The following SLC24A3 variants were observed in gnomAD, a reference collection of about 807,000 sequenced individuals.
SLC24A3 encodes the protein solute carrier family 24 member 3, also known as sodium/potassium/calcium exchanger 3.
A neutral mutation model predicts 75.8 loss-of-function variants in SLC24A3; 28 were observed. The ratio of observed to expected loss-of-function variants is 0.37; its 90% confidence interval spans 0.27 to 0.51. SLC24A3 has a LOEUF of 0.51. Among genes scored for constraint, SLC24A3 ranks in the 20% least tolerant of loss-of-function variants. The pLI, the probability that SLC24A3 is intolerant of heterozygous loss-of-function variation, is 0.94. For missense variants in SLC24A3, 663 were observed against 847.8 expected (o/e 0.78, Z 2.71); for synonymous variants, 372 against 334.1 (o/e 1.11, Z -1.24).
At chr20:19,665,792 C>CGTGTGTGTGT (rs58371474) in intron 7 of SLC24A3, 72 bp from the exon 8 acceptor site, 277 of 1,203,238 alleles carry the variant, frequency 2.3e-4, no homozygotes, top group African/African-American at 2.1e-3. Flanking sequence ...AGCCTTAAAG[C>CGTGTGTGTGT]GTGTGTGTGT....
chr20:19,295,810 T>G (rs747289647), intron 2 of SLC24A3, among the ~76,000 whole-genome samples: 8 of 149,740 alleles, frequency 5.3e-5, no homozygotes, highest in Non-Finnish European at 8.9e-5. Context: ...GGCCTTAAGT[T>G]TTTTTTTTTG....
intron 3 of SLC24A3, among the ~76,000 whole-genome samples, chr20:19,521,874 T>A (rs115426140): frequency 0.017 from 2,609 of 152,088 alleles, 77 homozygotes; most frequent in African/African-American, 0.06. Context: ...CCCCATCTCC[T>A]CCAGTATTTT....
At chr20:19,719,543 G>C (rs1049785691) in intron 16 of SLC24A3, among the ~76,000 whole-genome samples, 3 of 151,986 alleles carry the variant, frequency 2.0e-5, no homozygotes, top group Non-Finnish European at 2.9e-5. Flanking sequence ...GTGAGGACGG[G>C]GAAGTGAGTG....
chr20:19,503,354 T>C (rs1988415111), intron 2 of SLC24A3, among the ~76,000 whole-genome samples: 1 of 152,254 alleles, frequency 6.6e-6, no homozygotes, highest in Non-Finnish European at 1.5e-5. Flanking sequence ...GAATTAATTA[T>C]GCTCTTTTCT....
At chr20:19,386,403 C>A (rs548506208) in intron 2 of SLC24A3, among the ~76,000 whole-genome samples, 1 of 152,202 alleles carries the variant, frequency 6.6e-6, no homozygotes, top group South Asian at 2.1e-4. Flanking sequence ...AATTTGTATG[C>A]CTTTTTATTT....
At chr20:19,693,096 T>C (rs1486051388) in intron 12 of SLC24A3, 163 bp from the exon 13 acceptor site, 1 of 742,474 alleles carries the variant, frequency 1.3e-6, no homozygotes, top group Non-Finnish European at 2.0e-6. Context: ...TCAGGTTTCG[T>C]TGGTGATGGA....
Position 19,237,503 on chromosome 20 carries a change from G to T in SLC24A3, c.142+24519G>T, listed in dbSNP as rs1462244491. On this transcript the variant is annotated intron_variant, in intron 1 of 16. Coordinates refer to ENST00000328041, the MANE Select transcript of SLC24A3 (RefSeq NM_020689.4). ...CGGCACCTGTTCCCGTCATGTGCTA[G>T]CTCAGCTTGCAGAACATCCACCCAG... is the stretch of plus-strand genomic sequence containing the variant. 3.9e-5 allele frequency among the ~76,000 whole-genome samples: 6 copies of T among 152,314 alleles called. No homozygotes were observed. The South Asian group carries it at 1.2e-3, about 32-fold the overall frequency.
chr20:19,548,549 G>A (rs1419280636), intron 3 of SLC24A3, among the ~76,000 whole-genome samples: 1 of 152,172 alleles, frequency 6.6e-6, no homozygotes, highest in Non-Finnish European at 1.5e-5. Flanking sequence ...TCAGATGTCA[G>A]ACACAGCATG....
intron 3 of SLC24A3, among the ~76,000 whole-genome samples, chr20:19,539,779 A>G (rs1187338750): frequency 6.6e-6 from 1 of 152,196 alleles, no homozygotes; most frequent in Non-Finnish European, 1.5e-5. Flanking sequence ...ATCTGTTTTG[A>G]CACTTACGTT....
intron 1 of SLC24A3, among the ~76,000 whole-genome samples, chr20:19,245,278 G>A (rs1194231766): frequency 6.6e-6 from 1 of 152,160 alleles, no homozygotes; most frequent in Non-Finnish European, 1.5e-5. Flanking sequence ...CTGGTCATCA[G>A]TGCAGGATTC....
In SLC24A3 at chr20:19,405,235, G is replaced by C. The variant is rs80323374; in HGVS notation, c.272-110253G>C. On this transcript the variant is annotated intron_variant, in intron 2 of 16. Transcript: ENST00000328041. ...GGCCCACTCCTAGCATCCCCTCTGT[G>C]CAGTGGCTTGAGTGAGAGGTTAGTT... Among the ~76,000 whole-genome samples, 143 of 152,212 alleles carry C rather than the reference G, an allele frequency of 9.4e-4. 1 individual carries two copies. The highest frequency in any genetic ancestry group is 3.3e-3 in the African/African-American group (137 of 41,508).
chr20:19,323,343 G>C (rs1984759813), intron 2 of SLC24A3, among the ~76,000 whole-genome samples: 1 of 152,150 alleles, frequency 6.6e-6, no homozygotes, highest in Non-Finnish European at 1.5e-5. Context: ...GCGGAGGTTA[G>C]AGTGTGAGCA....
rs76700312 is a variant in SLC24A3 at position 19,280,437 on chromosome 20, G to A, written c.143-522G>A. ...GGGCTGATTTCAGGAGATACTGGCA[G>A]GGGCTAGACCTCGGTGGGCTGGAGC... On this transcript the variant is annotated intron_variant, in intron 1 of 16. Transcript: ENST00000328041. Among the ~76,000 whole-genome samples, 612 of 152,284 alleles carry A rather than the reference G, an allele frequency of 4.0e-3. 2 individuals carry two copies. The highest frequency in any genetic ancestry group is 4.3e-3 in the Non-Finnish European group (294 of 68,028).
chr20:19,519,772 T>G (rs2030067298), intron 3 of SLC24A3, among the ~76,000 whole-genome samples: 1 of 152,226 alleles, frequency 6.6e-6, no homozygotes, highest in African/African-American at 2.4e-5. Flanking sequence ...TGTTTGTGAT[T>G]TATCAAGATC....
At chr20:19,463,834 G>A (rs1987720409) in intron 2 of SLC24A3, among the ~76,000 whole-genome samples, 2 of 152,222 alleles carry the variant, frequency 1.3e-5, no homozygotes, top group Non-Finnish European at 2.9e-5. Context: ...CTTGGGAAGG[G>A]TTCAGCGCAG....
intron 6 of SLC24A3, among the ~76,000 whole-genome samples, chr20:19,612,876 C>A (rs897501617): frequency 4.6e-5 from 7 of 152,194 alleles, no homozygotes; most frequent in African/African-American, 1.2e-4. Flanking sequence ...CACCAGGGTC[C>A]CATTGTGCTT....
At chr20:19,282,168 T>G (rs955266278) in intron 2 of SLC24A3, among the ~76,000 whole-genome samples, 3 of 152,236 alleles carry the variant, frequency 2.0e-5, no homozygotes, top group Non-Finnish European at 2.9e-5. Flanking sequence ...ATTGCAGGTC[T>G]GCGATCTATT....
At chr20:19,409,018 G>A (rs979914798) in intron 2 of SLC24A3, among the ~76,000 whole-genome samples, 3 of 152,112 alleles carry the variant, frequency 2.0e-5, no homozygotes, top group African/African-American at 7.2e-5. Context: ...GGGAGAAGAC[G>A]ATCCAGAAAC....
chr20:19,569,311 T>C (rs1349963295), intron 3 of SLC24A3, among the ~76,000 whole-genome samples: 2 of 152,228 alleles, frequency 1.3e-5, no homozygotes, highest in Non-Finnish European at 2.9e-5. Context: ...TATGTACTTA[T>C]TGAGGGCCTT....
Sources: gnomAD v4.1 joint callset for allele counts (sites outside exome capture counted in the v4.1 genomes callset) on GRCh38, gnomAD v4.1.1 for gene constraint, MANE v1.5 for transcripts, NCBI Gene and HGNC (gene_info 2026-07-23, HGNC 2026-07-21) for gene names.